The following IGSF3 variants were observed in gnomAD, a reference collection of about 807,000 sequenced individuals.
IGSF3 encodes immunoglobulin superfamily member 3, also known as glu-Trp-Ile EWI motif-containing protein 3.
Under a neutral mutation model 114.4 loss-of-function variants are expected in IGSF3, and 23 were observed. The observed-to-expected ratio is 0.20, with a 90% CI of 0.14 to 0.28. The LOEUF is 0.28. Among genes scored for constraint, IGSF3 ranks in the 10% least tolerant of loss-of-function variants. IGSF3 has a pLI of 1.00. For missense variants in IGSF3, 1,172 were observed against 1,591.5 expected, an observed-to-expected ratio of 0.74 and a Z score of 4.48; for synonymous variants, 571 against 645.2, an observed-to-expected ratio of 0.88 and a Z score of 1.74.
At chr1:116,611,444 G>A (rs1661015562) in intron 4 of IGSF3, among the ~76,000 whole-genome samples, 1 of 152,074 alleles carries the variant, frequency 6.6e-6, no homozygotes, top group Admixed American at 6.5e-5. Context: ...AGGCACCTTT[G>A]AGGGGCTTCC....
chr1:116,600,489 G>A lies in IGSF3; in HGVS notation c.1625-144C>T, dbSNP rs1454457699. ...CCTTTTGAGCTCTCAGGCTAGTGTT[G>A]CTTTTAGTATCCTGCTGAGGCCCAG... On this transcript the variant is annotated intron_variant, in intron 6 of 10. Transcript: ENST00000369486. The surrounding 1 kb of genome is among the most constrained non-coding windows in gnomAD (Gnocchi z 5.5). 7.8e-6 allele frequency: 5 copies of A among 644,350 alleles called. No individual in the cohort carries two copies. In the Admixed American group the frequency reaches 1.2e-4, roughly 15 times the overall value. The allele number at this position is 644,350 out of a possible 1,614,324, so 39.9% of individuals were successfully genotyped here.
rs906470855 is a variant in IGSF3, at chr1:116,596,463, G to A, written c.2029+3478C>T. Among the ~76,000 whole-genome samples the A allele has an allele frequency of 1.4e-4, 22 of 152,178 alleles. No individual in the cohort carries two copies. The highest frequency in any genetic ancestry group is 5.1e-4 in the African/African-American group (21 of 41,430). On this transcript the variant is annotated intron_variant, in intron 7 of 10. Coordinates refer to ENST00000369486, the MANE Select transcript of IGSF3 (RefSeq NM_001007237.3). This position sits in a 1 kb window ranked among gnomAD's most constrained non-coding sequence, Gnocchi z 4.1. Reference sequence around the variant, plus strand: ...GTCTTAGAGCCACCTTGTGGCAGAAGCTGGAAGAATCAGGAGTTAAAAGAG... The same window carrying A: ...GTCTTAGAGCCACCTTGTGGCAGAAACTGGAAGAATCAGGAGTTAAAAGAG...
rs958255900 is a variant in IGSF3 at position 116,605,528 on chromosome 1, T to C, written c.1223-1503A>G. 2.0e-5 allele frequency among the ~76,000 whole-genome samples: 3 copies of C among 152,162 alleles called. No individual in the cohort carries two copies. Among genetic ancestry groups the C allele is most frequent in the African/African-American group, 7.2e-5 (3 of 41,428 alleles). On this transcript the variant is annotated intron_variant, in intron 5 of 10. Transcript: ENST00000369486. The surrounding 1 kb of genome is among the most constrained non-coding windows in gnomAD (Gnocchi z 5.1). ...CAGGCTCCTGAACAGTCACCATCTA[T>C]AGCACTAATGGTTAAGGGGATGGAT...
In IGSF3 at chr1:116,599,963, C is replaced by T; in HGVS notation, c.2007G>A (p.Leu669=). 1 of 1,612,770 alleles carries T rather than the reference C, an allele frequency of 6.2e-7. No individual in the cohort carries two copies. Among genetic ancestry groups the T allele is most frequent in the Non-Finnish European group, 8.5e-7 (1 of 1,179,088 alleles). ...TRLAERTSNL[L]EIRVLQPVTK... is the part of the protein sequence containing the mutation. ...CACCTGGCTGCAGCACCCTGATCTC[C>T]AGCAGGTTGGAGGTCCTCTCCGCCA... Residue 669 remains leucine (L), a synonymous_variant, in exon 7 of 11, where the codon CTG becomes CTA. Coordinates refer to ENST00000369486, the MANE Select transcript of IGSF3 (RefSeq NM_001007237.3).
chr1:116,587,957 A>G (rs1486567071), intron 8 of IGSF3, among the ~76,000 whole-genome samples: 1 of 152,240 alleles, frequency 6.6e-6, no homozygotes, highest in East Asian at 1.9e-4. Context: ...GAGATCTTTA[A>G]CAGAGAAGGG....
In IGSF3 at chr1:116,584,528, C is replaced by T. The variant is rs551267967; in HGVS notation, c.2848+117G>A. On this transcript the variant is annotated intron_variant, in intron 9 of 10. Coordinates refer to ENST00000369486, the MANE Select transcript of IGSF3 (RefSeq NM_001007237.3). The surrounding 1 kb of genome is among the most constrained non-coding windows in gnomAD (Gnocchi z 5.8). Reference sequence around the variant, plus strand: ...ATATAAATGCATATACATGTAGACACTCATATATTTAACTGCAAATAATTT... The same window carrying T: ...ATATAAATGCATATACATGTAGACATTCATATATTTAACTGCAAATAATTT... 3 of 1,013,686 alleles carry T rather than the reference C, an allele frequency of 3.0e-6. No individual in the cohort carries two copies. The African/African-American group carries it at 4.8e-5, about 16-fold the overall frequency. 62.8% of individuals were successfully genotyped at this position (1,013,686 alleles called of 1,614,324 possible). A position where few individuals can be genotyped will look rare whatever the true frequency, so the allele number is the denominator to read the frequency against.
rs992528266 is a variant in IGSF3 at position 116,592,694 on chromosome 1, A to C, written c.2030-3590T>G. On this transcript the variant is annotated intron_variant, in intron 7 of 10. Transcript: ENST00000369486. The surrounding 1 kb of genome is among the most constrained non-coding windows in gnomAD (Gnocchi z 4.5). ...CACTCAAAACTCATTTATTTCTTCA[A>C]TAAAGGATTCCCTTACGCTCTACTA... 5.9e-5 allele frequency among the ~76,000 whole-genome samples: 9 copies of C among 152,190 alleles called. No homozygotes were observed. The highest frequency in any genetic ancestry group is 3.3e-4 in the Admixed American group (5 of 15,270).
At chr1:116,620,355 G>A (rs554394052) in intron 2 of IGSF3, among the ~76,000 whole-genome samples, 1 of 152,282 alleles carries the variant, frequency 6.6e-6, no homozygotes, top group African/African-American at 2.4e-5. Flanking sequence ...ATTGGTCAGT[G>A]ATTTGATCAG....
At chr1:116,617,159 G>T (rs540539895) in intron 2 of IGSF3, 1 of 258,452 alleles carries the variant, frequency 3.9e-6, no homozygotes, top group Non-Finnish European at 6.0e-6. Flanking sequence ...AACTAACAGT[G>T]CCCAGCTAAA....
Position 116,605,026 on chromosome 1 carries a change from T to C in IGSF3, c.1223-1001A>G, listed in dbSNP as rs1213541819. Among the ~76,000 whole-genome samples, 2 of 152,218 alleles carry C rather than the reference T, an allele frequency of 1.3e-5. No individual in the cohort carries two copies. The highest frequency in any genetic ancestry group is 2.9e-5 in the Non-Finnish European group (2 of 68,038). ...TTTTACTATTCCACATAACTCTTTG[T>C]TTTTATAAACATCACAGATAGCCTA... On this transcript the variant is annotated intron_variant, in intron 5 of 10. Transcript: ENST00000369486. The surrounding 1 kb of genome is among the most constrained non-coding windows in gnomAD (Gnocchi z 5.1).
rs901895521 is a variant in IGSF3 at position 116,585,231 on chromosome 1, G to A, written c.2441-179C>T. ...AACATTCTGAGTTCCTTGATCGTGT[G>A]TCGGAATGCCTGGGTTTCAAGGAGC... On this transcript the variant is annotated intron_variant, in intron 8 of 10. Coordinates refer to ENST00000369486, the MANE Select transcript of IGSF3 (RefSeq NM_001007237.3). This position sits in a 1 kb window ranked among gnomAD's most constrained non-coding sequence, Gnocchi z 4.9. Among the ~76,000 whole-genome samples the A allele has an allele frequency of 6.6e-6, 1 of 152,202 alleles. No homozygotes were observed. The highest frequency in any genetic ancestry group is 2.1e-4 in the South Asian group (1 of 4,830).
In IGSF3 at chr1:116,636,795, G is replaced by T. The variant is rs1348479362; in HGVS notation, c.44-20338C>A. The stretch of plus-strand genomic sequence containing the variant: ...TCCACACTCCAAAGACAGCATCTCC[G>T]CGAGAAGTGTTGGGCAGTGTCCAGG... On this transcript the variant is annotated intron_variant, in intron 2 of 10. Transcript: ENST00000369486. This position sits in a 1 kb window ranked among gnomAD's most constrained non-coding sequence, Gnocchi z 4.5. Among the ~76,000 whole-genome samples the T allele has an allele frequency of 3.3e-5, 5 of 151,992 alleles. No homozygotes were observed. Among genetic ancestry groups the T allele is most frequent in the Admixed American group, 2.0e-4 (3 of 15,278 alleles).
Position 116,577,218 on chromosome 1 carries a change from C to G in IGSF3, c.*94G>C. ...AGTCTGACAACTTTCCACACACATG[C>G]ACCCCAGAGTTTGGGTGCTGTCAAC... On this transcript the variant is annotated 3_prime_UTR_variant, in exon 11 of 11. Coordinates refer to ENST00000369486, the MANE Select transcript of IGSF3 (RefSeq NM_001007237.3). The surrounding 1 kb of genome is among the most constrained non-coding windows in gnomAD (Gnocchi z 5.7). 3.6e-6 allele frequency: 5 copies of G among 1,394,864 alleles called. No homozygotes were observed. The highest frequency in any genetic ancestry group is 4.9e-6 in the Non-Finnish European group (5 of 1,020,878). The allele number at this position is 1,394,864 out of a possible 1,614,324, so 86.4% of individuals were successfully genotyped here.
chr1:116,646,537 T>A (rs1463391641), intron 2 of IGSF3, among the ~76,000 whole-genome samples: 3 of 152,194 alleles, frequency 2.0e-5, no homozygotes, highest in African/African-American at 7.2e-5. Context: ...ATCTCCTTAA[T>A]TCATTGAGAA....
In IGSF3 at chr1:116,614,933, T is replaced by TA. The variant is rs1467443741; in HGVS notation, c.422-759dup. Among the ~76,000 whole-genome samples, 1 of 152,112 alleles carries TA rather than the reference T, an allele frequency of 6.6e-6. No homozygotes were observed. Among genetic ancestry groups the TA allele is most frequent in the African/African-American group, 2.4e-5 (1 of 41,422 alleles). On this transcript the variant is annotated intron_variant, in intron 3 of 10. Transcript: ENST00000369486. The surrounding 1 kb of genome is among the most constrained non-coding windows in gnomAD (Gnocchi z 4.5). The stretch of plus-strand genomic sequence containing the variant: ...ATGAGAGTACCCTAGTCACAACTAG[T>TA]ATGTGTTTTCTCCCTGTTCTCACCC...
intron 2 of IGSF3, among the ~76,000 whole-genome samples, chr1:116,652,060 T>C (rs1310070872): frequency 6.6e-6 from 1 of 152,202 alleles, no homozygotes; most frequent in Non-Finnish European, 1.5e-5. Context: ...AATCTAATCT[T>C]GGAAGGTGAG....
In IGSF3 at chr1:116,592,733, G is replaced by C. The variant is rs116330946; in HGVS notation, c.2030-3629C>G. On this transcript the variant is annotated intron_variant, in intron 7 of 10. Transcript: ENST00000369486. The surrounding 1 kb of genome is among the most constrained non-coding windows in gnomAD (Gnocchi z 4.5). ...TACGCTCTACTATAGCTGTGTTACT[G>C]CTGCCTTACAACGAAGGTAATTCTT... Among the ~76,000 whole-genome samples, 584 of 152,264 alleles carry C rather than the reference G, an allele frequency of 3.8e-3. 2 individuals are homozygous for C. The highest frequency in any genetic ancestry group is 0.014 in the African/African-American group (567 of 41,534).
chr1:116,641,535 GA>G (rs1557882304), intron 2 of IGSF3, among the ~76,000 whole-genome samples: 1 of 120,934 alleles, frequency 8.3e-6, no homozygotes, highest in African/African-American at 3.2e-5. Context: ...AGAAAGAAAA[GA>G]AAAGAAAGAA....
intron 8 of IGSF3, among the ~76,000 whole-genome samples, chr1:116,586,853 A>C (rs1659867171): frequency 6.6e-6 from 1 of 152,182 alleles, no homozygotes; most frequent in South Asian, 2.1e-4. Context: ...GGGCCTAATG[A>C]CAACCTTCAA....
Sources: gnomAD v4.1 joint callset for allele counts (sites outside exome capture counted in the v4.1 genomes callset) on GRCh38, gnomAD v4.1.1 for gene constraint, Gnocchi (gnomAD v3.1) non-coding constraint, MANE v1.5 for transcripts, NCBI Gene and HGNC (gene_info 2026-07-23, HGNC 2026-07-21) for gene names.